Variants in ANKMY1 observed in about 807,000 individuals in gnomAD.
ANKMY1 encodes ankyrin repeat and MYND domain containing 1.
In ANKMY1, 98 loss-of-function variants were observed where a neutral mutation model predicts 102.0. The ratio of observed to expected loss-of-function variants is 0.96; its 90% CI spans 0.82 to 1.14. The LOEUF is 1.14. ANKMY1 is among the 50% of genes most tolerant of loss of function. The probability of loss-of-function intolerance (pLI) is 0.00; values close to 1 mark genes in which losing one functional copy is unlikely to be tolerated. For missense variants in ANKMY1, 1,330 were observed against 1,347.6 expected (o/e 0.99, Z 0.20); for synonymous variants, 582 against 559.9 (o/e 1.04, Z -0.56).
At chr2:240,545,805 A>C (rs2090232947) in intron 4 of ANKMY1, among the ~76,000 whole-genome samples, 1 of 152,224 alleles carries the variant, frequency 6.6e-6, no homozygotes, top group Non-Finnish European at 1.5e-5. Flanking sequence ...AGGGAAGTTT[A>C]GAGAAAAAAG....
chr2:240,522,931 T>C (rs891338188), intron 8 of ANKMY1: 1 of 152,224 alleles, frequency 6.6e-6, no homozygotes, highest in Non-Finnish European at 1.5e-5. Context: ...TAGTGTCATA[T>C]GTTTTCCTTA....
chr2:240,510,937 C>T (rs578156465), intron 11 of ANKMY1, among the ~76,000 whole-genome samples: 2 of 150,698 alleles, frequency 1.3e-5, no homozygotes, highest in South Asian at 4.3e-4. Context: ...CCTTGACCAG[C>T]CGCCTTCCTG....
At chr2:240,542,682 A>G (rs7576043) in intron 4 of ANKMY1, among the ~76,000 whole-genome samples, 48,755 of 150,126 alleles carry the variant, frequency 0.32, 8,381 homozygotes, top group Middle Eastern at 0.58. Flanking sequence ...GAATCTTTGT[A>G]TCTGTGTGTG....
intron 15 of ANKMY1, among the ~76,000 whole-genome samples, chr2:240,496,674 T>C (rs59805045): frequency 0.01 from 1,541 of 152,336 alleles, 24 homozygotes; most frequent in African/African-American, 0.035. Flanking sequence ...ACAGTGACCC[T>C]AAGGTGACGG....
In ANKMY1 at chr2:240,526,216, G is replaced by A. The variant is rs2083364930; in HGVS notation, c.1170+13C>T. ...GCTCCTGCGGGCACCAGCTGGGAGG[G>A]TGTGGGGCTTACAGCAGCCGCAGCA... On this transcript the variant is annotated intron_variant, in intron 6 of 17. Transcript: ENST00000401804. 6 of 1,613,812 alleles carry A rather than the reference G, an allele frequency of 3.7e-6. No homozygotes were observed. The highest frequency in any genetic ancestry group is 5.1e-6 in the Non-Finnish European group (6 of 1,179,974).
At chr2:240,543,884 C>T (rs1344950064) in intron 4 of ANKMY1, among the ~76,000 whole-genome samples, 1 of 152,100 alleles carries the variant, frequency 6.6e-6, no homozygotes, top group African/African-American at 2.4e-5. Context: ...GAACTGTTCT[C>T]ATCTATAAAA....
upstream of ANKMY1, chr2:240,560,991 T>G (rs1330466704): frequency 6.5e-7 from 1 of 1,545,084 alleles, no homozygotes. Flanking sequence ...CCTAGTCTAC[T>G]GCAAGAACGG....
intron 15 of ANKMY1, among the ~76,000 whole-genome samples, chr2:240,482,841 T>G (rs2075582168): frequency 6.6e-6 from 1 of 152,228 alleles, no homozygotes; most frequent in African/African-American, 2.4e-5. Flanking sequence ...TCCTGTTCCT[T>G]GGTGACCTTC....
the ANKMY1 span, among the ~76,000 whole-genome samples, chr2:240,468,802 A>G: frequency 6.6e-6 from 1 of 152,014 alleles, no homozygotes; most frequent in East Asian, 1.9e-4. Context: ...GTGGGTGGGC[A>G]CCCCAGGAGG....
At position 240,529,231 on chromosome 2, in the gene ANKMY1, T is replaced by G; in HGVS notation, c.759A>C (p.Leu253=). Residue 253 remains leucine, a synonymous_variant, in exon 5 of 18, where the codon CTA becomes CTC. Transcript: ENST00000401804. This position sits in a 1 kb window ranked among gnomAD's most constrained non-coding sequence, Gnocchi z 4.2. ...AGACATACATTTCTGGAGGCAGCGT[T>G]AGGTTGTCATTCAGAAGAAACCGCT... ...DYKRFLLNDN[L]TLPPEMYVYS... 3 of 1,614,148 alleles carry G rather than the reference T, an allele frequency of 1.9e-6. No homozygotes were observed. The highest frequency in any genetic ancestry group is 2.5e-6 in the Non-Finnish European group (3 of 1,180,022).
rs2081914562 is a variant in ANKMY1, at chr2:240,520,156, C to T, written c.2004+206G>A. 1 of 823,294 alleles carries T rather than the reference C, an allele frequency of 1.2e-6. No homozygotes were observed. Among genetic ancestry groups the T allele is most frequent in the Non-Finnish European group, 2.1e-6 (1 of 483,734 alleles). 51.0% of individuals were successfully genotyped at this position (823,294 alleles called of 1,614,324 possible). A position where few individuals can be genotyped will look rare whatever the true frequency, so the allele number is the denominator to read the frequency against. ...TCGTGAAGTACTCTAAAAACTAGCT[C>T]GGTGTCCAAATCCTGTCTGGGGACA... On this transcript the variant is annotated intron_variant, in intron 9 of 17. Transcript: ENST00000401804. The surrounding 1 kb of genome is among the most constrained non-coding windows in gnomAD (Gnocchi z 4.8).
intron 5 of ANKMY1, chr2:240,526,918 T>C (rs1464220675): frequency 3.6e-6 from 4 of 1,109,576 alleles, no homozygotes; most frequent in Non-Finnish European, 4.4e-6. Context: ...TGATGCCTCC[T>C]GGTGTGTACA....
intron 8 of ANKMY1, among the ~76,000 whole-genome samples, chr2:240,521,750 G>A (rs1465642786): frequency 6.6e-6 from 1 of 151,934 alleles, no homozygotes; most frequent in African/African-American, 2.4e-5. Flanking sequence ...CACCTGCCTC[G>A]GCCTCCCAAA....
chr2:240,483,475 A>C (rs1234376054), intron 15 of ANKMY1, among the ~76,000 whole-genome samples: 1 of 152,158 alleles, frequency 6.6e-6, no homozygotes, highest in African/African-American at 2.4e-5. Flanking sequence ...TTAATTTATC[A>C]TGTGTCTCCT....
In ANKMY1 at chr2:240,524,275, T is replaced by C. The variant is rs1444565402; in HGVS notation, c.1442A>G (p.Glu481Gly). 1 of 1,613,754 alleles carries C rather than the reference T, an allele frequency of 6.2e-7. No homozygotes were observed. The highest frequency in any genetic ancestry group is 1.1e-5 in the South Asian group (1 of 91,072). ...EVNVPSQGSY[E>G]LRPPPAPLLL... Reference sequence around the variant, plus strand: ...CAGTGGTGCTGGCGGTGGCCTCAGCTCATAGCTACCCTGGGAAGGCACGTT... The same window carrying C: ...CAGTGGTGCTGGCGGTGGCCTCAGCCCATAGCTACCCTGGGAAGGCACGTT... The change falls in exon 8 of 18, where the codon GAG becomes GGG. Residue 481 changes from glutamate to glycine, a missense_variant. Physicochemically the swap from Glu to Gly is moderately conservative, Grantham distance 98. Coordinates refer to ENST00000401804, the MANE Select transcript of ANKMY1 (RefSeq NM_001282771.3).
At position 240,524,230 on chromosome 2, in the gene ANKMY1, C is replaced by T; in HGVS notation, c.1487G>A (p.Gly496Asp). Residue 496 changes from glycine to aspartate, a missense_variant, in exon 8 of 18, where the codon GGC (glycine) becomes GAC (aspartate). By Grantham distance (94) the Gly-to-Asp change is moderately conservative. Transcript: ENST00000401804. The part of the protein sequence containing the change: ...PAPLLLPRVS[G>D]SHEGGHFQDT... ...CTGGAAGTGGCCGCCCTCGTGGCTG[C>T]CTGAGACGCGTGGCAGGAGCAGTGG... The T allele has an allele frequency of 6.2e-7, 1 of 1,613,830 alleles. No individual in the cohort carries two copies. Among genetic ancestry groups the T allele is most frequent in the Non-Finnish European group, 8.5e-7 (1 of 1,180,022 alleles).
In ANKMY1 at chr2:240,552,831, C is replaced by T. The variant is rs1188799791; in HGVS notation, c.480+83G>A. ...TTGTAGCTAAACAAATAAACTTCCC[C>T]AGGACCGAAATATCTTTTTGTCCAG... On this transcript the variant is annotated intron_variant, in intron 4 of 17. Transcript: ENST00000401804. The T allele has an allele frequency of 3.8e-6, 6 of 1,599,444 alleles. No individual in the cohort carries two copies. The South Asian group carries it at 6.6e-5, about 18-fold the overall frequency.
At chr2:240,556,969 G>C (rs2092414762) in intron 2 of ANKMY1, among the ~76,000 whole-genome samples, 2 of 152,214 alleles carry the variant, frequency 1.3e-5, no homozygotes, top group East Asian at 3.8e-4. Flanking sequence ...GTGGCAGAGT[G>C]TGCAGGCAGG....
chr2:240,495,713 C>G (rs891312008), intron 15 of ANKMY1, among the ~76,000 whole-genome samples: 1 of 152,106 alleles, frequency 6.6e-6, no homozygotes, highest in African/African-American at 2.4e-5. Flanking sequence ...AGTTGTCCCC[C>G]GGGCCCAGCT....
Sources: allele counts gnomAD v4.1 joint callset (sites outside exome capture counted in the v4.1 genomes callset), GRCh38; gene constraint gnomAD v4.1.1; non-coding constraint Gnocchi (gnomAD v3.1); transcripts MANE v1.5; gene names NCBI Gene and HGNC (gene_info 2026-07-23, HGNC 2026-07-21).